ATMIN: variants seen among roughly 807,000 people sequenced by gnomAD.
ATMIN encodes the protein ATM INteracting protein.
A neutral mutation model predicts 49.2 loss-of-function variants in ATMIN; 24 were observed. The observed-to-expected ratio is 0.49, with a 90% CI of 0.35 to 0.69. ATMIN has a LOEUF of 0.69. Ranked by LOEUF, ATMIN falls within the 30% of genes least tolerant of loss-of-function variation. The pLI, the probability that ATMIN is intolerant of heterozygous loss-of-function variation, is 0.00. For missense variants in ATMIN, 1,037 were observed against 1,005.5 expected (o/e 1.03, Z -0.42); for synonymous variants, 450 against 392.5 (o/e 1.15, Z -1.73).
rs1970922292 is a variant in ATMIN at position 81,036,054 on chromosome 16, GCGC to G, written c.190_192del (p.Pro64del). The G allele has an allele frequency of 7.9e-7, 1 of 1,262,682 alleles. No homozygotes were observed. The highest frequency in any genetic ancestry group is 3.2e-5 in the Admixed American group (1 of 31,114). The allele number at this position is 1,262,682 out of a possible 1,614,324, so 78.2% of individuals were successfully genotyped here. A position where few individuals can be genotyped will look rare whatever the true frequency, so the allele number is the denominator to read the frequency against. ...GGCGACGCAGCAGCCCGCTGTCCCC[GCGC>G]CGCCGGCGGGGGAGCTGATCCAGCC... On this transcript the variant is annotated inframe_deletion, in exon 1 of 4. Transcript: ENST00000299575.
In ATMIN at chr16:81,035,884, AGGCGGC is replaced by A. The variant is rs549686381; in HGVS notation, c.26_31del (p.Ala9_Ala10del). 3 of 953,474 alleles carry A rather than the reference AGGCGGC, an allele frequency of 3.1e-6. No individual in the cohort carries two copies. Among genetic ancestry groups the A allele is most frequent in the Non-Finnish European group, 2.5e-6 (2 of 803,424 alleles). The allele number at this position is 953,474 out of a possible 1,614,324, so 59.1% of individuals were successfully genotyped here. A position where few individuals can be genotyped will look rare whatever the true frequency, so the allele number is the denominator to read the frequency against. ...CGTGCGGGAGCCATGGCGGCCTCGG[AGGCGGC>A]GGCGGCGGCGGGGTCCGCGGCTCTG... is the stretch of plus-strand genomic sequence containing the variant. On this transcript the variant is annotated inframe_deletion, in exon 1 of 4. Coordinates refer to ENST00000299575, the MANE Select transcript of ATMIN (RefSeq NM_015251.3).
intron 3 of ATMIN, 121 bp downstream of exon 3, chr16:81,042,601 A>G: frequency 1.9e-6 from 2 of 1,059,466 alleles, no homozygotes; most frequent in Admixed American, 2.6e-5. Context: ...TGTGACGTGG[A>G]AGAAGGAAGC....
rs117922700 is a variant in ATMIN, at chr16:81,045,511, A to T, written c.*541A>T. The T allele has an allele frequency of 7.0e-3, 1,077 of 153,188 alleles. 5 individuals are homozygous for T. Among genetic ancestry groups the T allele is most frequent in the Non-Finnish European group, 0.011 (789 of 68,710 alleles). 9.5% of individuals were successfully genotyped at this position (153,188 alleles called of 1,614,324 possible). A position where few individuals can be genotyped will look rare whatever the true frequency, so the allele number is the denominator to read the frequency against. ...TGCCTGGACCTTCGTCAGCTTTGACACCTCTTTTCTGATTTAAAGACACCA... is the reference window on the plus strand; with the variant it reads ...TGCCTGGACCTTCGTCAGCTTTGACTCCTCTTTTCTGATTTAAAGACACCA... On this transcript the variant is annotated 3_prime_UTR_variant, in exon 4 of 4. Coordinates refer to ENST00000299575, the MANE Select transcript of ATMIN (RefSeq NM_015251.3).
intron 1 of ATMIN, among the ~76,000 whole-genome samples, chr16:81,038,531 GCAGTGCC>G (rs534235943): frequency 1.3e-5 from 2 of 152,096 alleles, no homozygotes; most frequent in East Asian, 3.9e-4. Context: ...CTTTCTAACC[GCAGTGCC>G]CAGTGGCCCC....
chr16:81,037,419 G>C, intron 1 of ATMIN: 1 of 985,394 alleles, frequency 1.0e-6, no homozygotes, highest in Non-Finnish European at 1.2e-6. Flanking sequence ...ATCTAAACCG[G>C]GATGCAACAA....
chr16:81,041,646 G>T, intron 2 of ATMIN, 165 bp downstream of exon 2: 1 of 791,782 alleles, frequency 1.3e-6, no homozygotes, highest in Non-Finnish European at 2.0e-6. Context: ...CACAAGTGGA[G>T]GGAAAAGCGG....
At chr16:81,036,557 C>G (rs1300150589) in intron 1 of ATMIN, among the ~76,000 whole-genome samples, 1 of 152,224 alleles carries the variant, frequency 6.6e-6, no homozygotes, top group Non-Finnish European at 1.5e-5. Flanking sequence ...AGGGACGCAT[C>G]GTCTCCATTA....
intron 2 of ATMIN, 133 bp from the exon 3 acceptor site, chr16:81,042,148 G>T (rs1450245958): frequency 5.3e-6 from 4 of 759,370 alleles, no homozygotes; most frequent in Non-Finnish European, 8.7e-6. Context: ...ACATTCTTTT[G>T]ACTTGGACTG....
chr16:81,043,341 G>A lies in ATMIN; in HGVS notation c.843G>A (p.Lys281=). 4 of 1,603,534 alleles carry A rather than the reference G, an allele frequency of 2.5e-6. No individual in the cohort carries two copies. The highest frequency in any genetic ancestry group is 3.4e-6 in the Non-Finnish European group (4 of 1,175,956). The part of the protein sequence containing the change: ...FEDSCGSNTD[K]QTLTTPPRYP... The stretch of plus-strand genomic sequence containing the variant: ...ACTCTTGTGGCTCTAACACTGACAA[G>A]CAGACTCTTACAACACCACCGAGAT... The change falls in exon 4 of 4, where the codon AAG becomes AAA. Residue 281 remains lysine, a synonymous_variant. Transcript: ENST00000299575.
chr16:81,036,311 C>G (rs1445623893), intron 1 of ATMIN, 105 bp downstream of exon 1: 1 of 993,466 alleles, frequency 1.0e-6, no homozygotes. Flanking sequence ...GCCCTGCGCG[C>G]TGCCGCTGCC....
At chr16:81,042,836 G>A (rs565935502) in intron 3 of ATMIN, among the ~76,000 whole-genome samples, 1 of 152,176 alleles carries the variant, frequency 6.6e-6, no homozygotes, top group Non-Finnish European at 1.5e-5. Flanking sequence ...TTCATTTAGT[G>A]TGATAGCTTC....
At chr16:81,041,227 C>T (rs1222745402) in intron 1 of ATMIN, 129 bp from the exon 2 acceptor site, 3 of 980,548 alleles carry the variant, frequency 3.1e-6, no homozygotes, top group Non-Finnish European at 4.5e-6. Flanking sequence ...TTACTGCTGA[C>T]ACTAGATGGA....
rs746266106 is a variant in ATMIN, at chr16:81,043,731, C to T, written c.1233C>T (p.Ile411=). ...GTCAAAAGAATAGCATTTCTTCAATCAACGTGCAGACAGATCTGTCTTATG... is the reference window on the plus strand; with the variant it reads ...GTCAAAAGAATAGCATTTCTTCAATTAACGTGCAGACAGATCTGTCTTATG... ...NTCQKNSISS[I]NVQTDLSYAS... is the part of the protein sequence containing the mutation. Residue 411 remains isoleucine (I), a synonymous_variant, in exon 4 of 4, where the codon ATC becomes ATT. Transcript: ENST00000299575. 3.1e-6 allele frequency: 5 copies of T among 1,614,238 alleles called. No homozygotes were observed. Among genetic ancestry groups the T allele is most frequent in the Non-Finnish European group, 4.2e-6 (5 of 1,180,044 alleles).
rs1971133522 is a variant in ATMIN at position 81,047,055 on chromosome 16, A to C, written c.*2085A>C. On this transcript the variant is annotated 3_prime_UTR_variant, in exon 4 of 4. Transcript: ENST00000299575. ...GTTTATGGCTTTTTTGTAAATATAA[A>C]TGCAGTGATCTATGGCTTAAAAAAT... 1 of 152,654 alleles carries C rather than the reference A, an allele frequency of 6.6e-6. No homozygotes were observed. The highest frequency in any genetic ancestry group is 1.5e-5 in the Non-Finnish European group (1 of 68,042). 9.5% of individuals were successfully genotyped at this position (152,654 alleles called of 1,614,324 possible).
At chr16:81,037,180 C>T in intron 1 of ATMIN, 1 of 985,444 alleles carries the variant, frequency 1.0e-6, no homozygotes, top group Non-Finnish European at 1.2e-6. Flanking sequence ...TTTCCTTCCA[C>T]CACTCTAGGC....
chr16:81,039,591 G>A (rs1260624951), intron 1 of ATMIN, among the ~76,000 whole-genome samples: 1 of 152,210 alleles, frequency 6.6e-6, no homozygotes, highest in Non-Finnish European at 1.5e-5. Context: ...CCAGCCTTGT[G>A]TATGGTGGGA....
rs768087209 is a variant in ATMIN at position 81,043,747 on chromosome 16, C to G, written c.1249C>G (p.Leu417Val). The change falls in exon 4 of 4, where the codon CTG becomes GTG. Residue 417 changes from leucine (L) to valine (V), a missense_variant. Physicochemically the swap from Leu to Val is conservative, Grantham distance 32 (BLOSUM62 1). Transcript: ENST00000299575. ...TTCTTCAATCAACGTGCAGACAGAT[C>G]TGTCTTATGCCTCACAAAACTTTAT... ...SISSINVQTD[L>V]SYASQNFIPS... 1.3e-5 allele frequency: 21 copies of G among 1,614,142 alleles called. No individual in the cohort carries two copies. In the East Asian group the frequency reaches 4.0e-4, roughly 31 times the overall value.
At chr16:81,036,551 A>T (rs1436038365) in intron 1 of ATMIN, among the ~76,000 whole-genome samples, 3 of 152,280 alleles carry the variant, frequency 2.0e-5, no homozygotes, top group Admixed American at 2.0e-4. Context: ...TTGGCGAGGG[A>T]CGCATCGTCT....
At position 81,045,005 on chromosome 16, in the gene ATMIN, T is replaced by G; in HGVS notation, c.*35T>G. On this transcript the variant is annotated 3_prime_UTR_variant, in exon 4 of 4. Transcript: ENST00000299575. ...TGGAGTCCATGTGTGAAATGGCATC[T>G]ACCATTTCCTCTGGATTAAAACTAC... 6.3e-7 allele frequency: 1 copy of G among 1,584,948 alleles called. No individual in the cohort carries two copies. The highest frequency in any genetic ancestry group is 8.6e-7 in the Non-Finnish European group (1 of 1,164,342).
Sources: gnomAD v4.1 joint callset for allele counts (sites outside exome capture counted in the v4.1 genomes callset) on GRCh38, gnomAD v4.1.1 for gene constraint, MANE v1.5 for transcripts, NCBI Gene and HGNC (gene_info 2026-07-23, HGNC 2026-07-21) for gene names.